Variants in ART5 observed in about 807,000 individuals in gnomAD.
The protein encoded by ART5 is ecto-ADP-ribosyltransferase 5.
Under a neutral mutation model 25.0 loss-of-function variants are expected in ART5, and 22 were observed. The observed-to-expected ratio is 0.88, with a 90% CI of 0.63 to 1.26. ART5 has a LOEUF of 1.26. ART5 is among the 50% of genes most tolerant of loss of function. The pLI, the probability that ART5 is intolerant of heterozygous loss-of-function variation, is 0.00. For synonymous variants in ART5, 161 were observed against 154.8 expected, an observed-to-expected ratio of 1.04 and a Z score of -0.30; for missense variants, 402 against 372.8, an observed-to-expected ratio of 1.08 and a Z score of -0.64.
chr11:3,639,962 T>A lies in ART5; in HGVS notation c.467A>T (p.Glu156Val). 1 of 1,614,032 alleles carries A rather than the reference T, an allele frequency of 6.2e-7. No homozygotes were observed. Among genetic ancestry groups the A allele is most frequent in the Non-Finnish European group, 8.5e-7 (1 of 1,179,994 alleles). ...GSGGCSRGPG[E>V]VVFRGVGSLR... ...GCTGCCCACACCTCGGAACACCACC[T>A]CCCCAGGTCCCCTGCTGCAGCCCCC... is the stretch of plus-strand genomic sequence containing the variant. The change falls in exon 2 of 4, where the codon GAG becomes GTG. Residue 156 changes from glutamate (E) to valine (V), a missense_variant. Physicochemically the swap from Glu to Val is moderately radical, Grantham distance 121 (BLOSUM62 -2). Coordinates refer to ENST00000397068, the MANE Select transcript of ART5 (RefSeq NM_053017.5).
chr11:3,640,305 A>T lies in ART5; in HGVS notation c.124T>A (p.Cys42Ser). The T allele has an allele frequency of 6.2e-7, 1 of 1,613,210 alleles. No individual in the cohort carries two copies. The highest frequency in any genetic ancestry group is 8.5e-7 in the Non-Finnish European group (1 of 1,180,010). ...GCCTTCTCCTCCATCTCCTCTGCAC[A>T]ACCCACATAGGTATCGTCAAAGGTG... ...PDTFDDTYVG[C>S]AEEMEEKAAP... Residue 42 changes from cysteine (C) to serine (S), a missense_variant, in exon 2 of 4, where the codon TGT (cysteine) becomes AGT (serine). Coordinates refer to ENST00000397068, the MANE Select transcript of ART5 (RefSeq NM_053017.5).
chr11:3,640,894 A>G (rs1326630684), intron 1 of ART5, among the ~76,000 whole-genome samples: 1 of 151,882 alleles, frequency 6.6e-6, no homozygotes, highest in East Asian at 1.9e-4. Context: ...GGTGCGCAAT[A>G]CCACGCCCAG....
Position 3,640,273 on chromosome 11 carries a change from G to A in ART5, c.156C>T (p.Pro52=), listed in dbSNP as rs765844903. The A allele has an allele frequency of 4.3e-6, 7 of 1,613,402 alleles. No individual in the cohort carries two copies. In the Admixed American group the frequency reaches 1.0e-4, roughly 23 times the overall value. Residue 52 remains proline, a synonymous_variant, in exon 2 of 4, where the codon CCC becomes CCT. Transcript: ENST00000397068. The part of the protein sequence containing the change: ...CAEEMEEKAA[P]LLKEEMAHHA... ...GGTGGGCCATTTCCTCCTTTAGCAG[G>A]GGGGCTGCCTTCTCCTCCATCTCCT...
In ART5 at chr11:3,638,530, T is replaced by G; in HGVS notation, c.*208A>C. ...CCATGTCTCCACACTGCAATACCAT[T>G]TAATCACGTAGCTACCTCAATAAAA... On this transcript the variant is annotated 3_prime_UTR_variant, in exon 4 of 4. Coordinates refer to ENST00000397068, the MANE Select transcript of ART5 (RefSeq NM_053017.5). The G allele has an allele frequency of 1.6e-6, 1 of 621,198 alleles. No individual in the cohort carries two copies. The highest frequency in any genetic ancestry group is 1.9e-5 in the South Asian group (1 of 51,536). The allele number at this position is 621,198 out of a possible 1,614,324, so 38.5% of individuals were successfully genotyped here. A position where few individuals can be genotyped will look rare whatever the true frequency, so the allele number is the denominator to read the frequency against.
In ART5 at chr11:3,639,826, A is replaced by C; in HGVS notation, c.603T>G (p.Ser201=). 6.2e-7 allele frequency: 1 copy of C among 1,614,214 alleles called. No homozygotes were observed. The highest frequency in any genetic ancestry group is 1.1e-5 in the South Asian group (1 of 91,086). The change falls in exon 2 of 4, where the codon TCT becomes TCG. Residue 201 remains serine (S), a synonymous_variant. Transcript: ENST00000397068. ...TAGGGGCCCCAAAGCAAGTTGTTAG[A>C]GAGAAGAGGGTGGCATTACCAAATC... is the stretch of plus-strand genomic sequence containing the variant. ...AHRFGNATLF[S]LTTCFGAPIQ...
chr11:3,639,273 G>A (rs1203297935), intron 2 of ART5, among the ~76,000 whole-genome samples: 1 of 152,110 alleles, frequency 6.6e-6, no homozygotes, highest in African/African-American at 2.4e-5. Flanking sequence ...TTAGCACTTG[G>A]GAATGGCACA....
chr11:3,638,866 T>C, intron 3 of ART5, 73 bp from the exon 4 acceptor site: 1 of 1,613,454 alleles, frequency 6.2e-7, no homozygotes, highest in Non-Finnish European at 8.5e-7. Flanking sequence ...AAGAGCAGAG[T>C]CTTCCAGGGG....
chr11:3,639,144 TCACC>T, intron 2 of ART5, 109 bp from the exon 3 acceptor site: 5 of 1,259,618 alleles, frequency 4.0e-6, no homozygotes, highest in Non-Finnish European at 5.5e-6. Flanking sequence ...ATCTTTCCCT[TCACC>T]TAAAGGGAAA....
rs749042074 is a variant in ART5 at position 3,639,854 on chromosome 11, T to C, written c.575A>G (p.His192Arg). 5.0e-5 allele frequency: 81 copies of C among 1,614,056 alleles called. No individual in the cohort carries two copies. Among genetic ancestry groups the C allele is most frequent in the Non-Finnish European group, 6.9e-5 (81 of 1,180,012 alleles). The change falls in exon 2 of 4, where the codon CAC becomes CGC. Residue 192 changes from histidine (H) to arginine (R), a missense_variant. Transcript: ENST00000397068. ...GAAGAGGGTGGCATTACCAAATCTG[T>C]GGGCCACTGCCTTATCCAGGGAGCT... ...ASSSLDKAVAHRFGNATLFSL... is the reference protein window; with the variant it reads ...ASSSLDKAVARRFGNATLFSL...
In ART5 at chr11:3,639,927, C is replaced by CA. The variant is rs1445990923; in HGVS notation, c.501dup (p.Glu168Ter). 10 of 1,614,176 alleles carry CA rather than the reference C, an allele frequency of 6.2e-6. No individual in the cohort carries two copies. Among genetic ancestry groups the CA allele is most frequent in the Non-Finnish European group, 8.5e-6 (10 of 1,180,034 alleles). On this transcript the variant is annotated frameshift_variant, in exon 2 of 4. Transcript: ENST00000397068. LOFTEE classifies it high-confidence loss of function. ...ACAGAGTCTCCCAGCCTCTTGGGTT[C>CA]AAAGCGAAGGCTGCCCACACCTCGG...
upstream of ART5, chr11:3,642,262 G>T: frequency 9.4e-7 from 1 of 1,058,394 alleles, no homozygotes; most frequent in Non-Finnish European, 1.1e-6. Flanking sequence ...TCCGGAGTCC[G>T]GCTGAAAGCA....
In ART5 at chr11:3,641,705, G is replaced by A. The variant is rs796544627; in HGVS notation, c.57+101C>T. ...GTTAAGAGTGGAATCCTAGGGAAGA[G>A]TCCCTGGGAGAGGGATGTGAGGAGT... On this transcript the variant is annotated intron_variant, in intron 1 of 3. Coordinates refer to ENST00000397068, the MANE Select transcript of ART5 (RefSeq NM_053017.5). The A allele has an allele frequency of 4.9e-5, 75 of 1,526,446 alleles. No individual in the cohort carries two copies. The African/African-American group carries it at 8.3e-4, about 17-fold the overall frequency. The allele number at this position is 1,526,446 out of a possible 1,614,324, so 94.6% of individuals were successfully genotyped here. A position where few individuals can be genotyped will look rare whatever the true frequency, so the allele number is the denominator to read the frequency against.
At chr11:3,640,882 C>T (rs2077386486) in intron 1 of ART5, among the ~76,000 whole-genome samples, 1 of 152,276 alleles carries the variant, frequency 6.6e-6, no homozygotes, top group African/African-American at 2.4e-5. Flanking sequence ...GCTAGGATTA[C>T]AGGTGCGCAA....
chr11:3,639,627 C>A lies in ART5; in HGVS notation c.787+15G>T. ...ACCCACACTGCCAGTCCTGCTTCCCCCATGCACAGCTTACCACCCAGATAG... is the reference window on the plus strand; with the variant it reads ...ACCCACACTGCCAGTCCTGCTTCCCACATGCACAGCTTACCACCCAGATAG... On this transcript the variant is annotated intron_variant, in intron 2 of 3. Transcript: ENST00000397068. 6 of 1,600,668 alleles carry A rather than the reference C, an allele frequency of 3.7e-6. No homozygotes were observed. Among genetic ancestry groups the A allele is most frequent in the Non-Finnish European group, 5.1e-6 (6 of 1,173,734 alleles).
At chr11:3,640,502 G>C (rs900528096) in intron 1 of ART5, 131 bp from the exon 2 acceptor site, 12 of 1,201,446 alleles carry the variant, frequency 1.0e-5, no homozygotes, top group Non-Finnish European at 1.2e-5. Flanking sequence ...TATGCAATTT[G>C]GCAAGGGCCC....
In ART5 at chr11:3,638,721, A is replaced by G. The variant is rs928233255; in HGVS notation, c.*17T>C. 6.2e-7 allele frequency: 1 copy of G among 1,614,084 alleles called. No individual in the cohort carries two copies. On this transcript the variant is annotated 3_prime_UTR_variant, in exon 4 of 4. Transcript: ENST00000397068. ...AGAAGGCTGCTAGGGCTGGGTCCGG[A>G]ACCATGTTCTTGCTTCTCAAGGCTG...
chr11:3,642,183 G>A, upstream of ART5: 1 of 1,212,336 alleles, frequency 8.2e-7, no homozygotes, highest in Non-Finnish European at 1.0e-6. Context: ...CCCACTTGAA[G>A]GCTGCGGAAG....
chr11:3,639,858 C>G lies in ART5; in HGVS notation c.571G>C (p.Ala191Pro). 6.2e-7 allele frequency: 1 copy of G among 1,614,190 alleles called. No homozygotes were observed. The highest frequency in any genetic ancestry group is 8.5e-7 in the Non-Finnish European group (1 of 1,180,028). ...AGGGTGGCATTACCAAATCTGTGGG[C>G]CACTGCCTTATCCAGGGAGCTGGAG... ...FASSSLDKAV[A>P]HRFGNATLFS... Residue 191 changes from alanine to proline, a missense_variant, in exon 2 of 4, where the codon GCC becomes CCC. By Grantham distance (27) the Ala-to-Pro change is conservative. Coordinates refer to ENST00000397068, the MANE Select transcript of ART5 (RefSeq NM_053017.5).
chr11:3,641,649 T>C (rs1196718052), intron 1 of ART5, among the ~76,000 whole-genome samples, 157 bp downstream of exon 1: 2 of 152,106 alleles, frequency 1.3e-5, no homozygotes, highest in South Asian at 2.1e-4. Flanking sequence ...TGGGGCTCCC[T>C]GCAGAGATGG....
Sources: gnomAD v4.1 joint callset for allele counts (sites outside exome capture counted in the v4.1 genomes callset) on GRCh38, gnomAD v4.1.1 for gene constraint, MANE v1.5 for transcripts, NCBI Gene and HGNC (gene_info 2026-07-23, HGNC 2026-07-21) for gene names.